The following ARHGAP26 variants were observed in gnomAD, a reference collection of about 807,000 sequenced individuals.
ARHGAP26 encodes rho GTPase-activating protein 26.
A neutral mutation model predicts 104.8 loss-of-function variants in ARHGAP26; 38 were observed. That is an observed-to-expected ratio of 0.36 (90% CI 0.28 to 0.48). The LOEUF is 0.48. Ranked by LOEUF, ARHGAP26 falls within the 20% of genes least tolerant of loss-of-function variation. The pLI, the probability that ARHGAP26 is intolerant of heterozygous loss-of-function variation, is 0.99. For missense variants in ARHGAP26, 704 were observed against 947.9 expected, an observed-to-expected ratio of 0.74 and a Z score of 3.38; for synonymous variants, 341 against 340.0, an observed-to-expected ratio of 1.00 and a Z score of -0.03.
At chr5:142,928,346 A>C (rs892302409) in intron 10 of ARHGAP26, among the ~76,000 whole-genome samples, 3 of 151,796 alleles carry the variant, frequency 2.0e-5, no homozygotes, top group Non-Finnish European at 4.4e-5. Context: ...TCTGGACGCT[A>C]TTGAATTCTT....
intron 1 of ARHGAP26, among the ~76,000 whole-genome samples, chr5:142,809,801 CTTCA>C (rs1174455808): frequency 2.6e-5 from 4 of 152,212 alleles, no homozygotes; most frequent in Non-Finnish European, 4.4e-5. Flanking sequence ...TAGTGGCTCA[CTTCA>C]TTCATCCATT....
chr5:142,773,352 T>C (rs1755639699), intron 1 of ARHGAP26, among the ~76,000 whole-genome samples: 1 of 152,222 alleles, frequency 6.6e-6, no homozygotes, highest in Non-Finnish European at 1.5e-5. Context: ...CATATTTTAT[T>C]TTATTTTACA....
At chr5:142,860,105 C>T (rs1051309767) in intron 1 of ARHGAP26, 11 of 152,196 alleles carry the variant, frequency 7.2e-5, no homozygotes, top group African/African-American at 1.7e-4. Flanking sequence ...CATGACATCC[C>T]GGTTGTTGTT....
intron 1 of ARHGAP26, among the ~76,000 whole-genome samples, chr5:142,832,174 G>T (rs1768573367): frequency 6.6e-6 from 1 of 152,158 alleles, no homozygotes; most frequent in South Asian, 2.1e-4. Flanking sequence ...TGAGTGAAGT[G>T]TTATCTGTTT....
Position 143,167,743 on chromosome 5 carries a change from A to ACCAGAATATC in ARHGAP26, c.1988+20364_1988+20373dup, listed in dbSNP as rs1802207924. ...GCTGGGTTAAGAATTTGTCTTGCCT[A>ACCAGAATATC]CCAGAATATCCAGCAGCCGTGTTCT... On this transcript the variant is annotated intron_variant, in intron 20 of 22. Transcript: ENST00000645722. Among the ~76,000 whole-genome samples, 3 of 152,108 alleles carry ACCAGAATATC rather than the reference A, an allele frequency of 2.0e-5. No individual in the cohort carries two copies. In the South Asian group the frequency reaches 6.2e-4, roughly 32 times the overall value.
chr5:143,046,295 C>T (rs1335020405), intron 14 of ARHGAP26, among the ~76,000 whole-genome samples: 1 of 152,078 alleles, frequency 6.6e-6, no homozygotes, highest in Non-Finnish European at 1.5e-5. Context: ...CAGAGCAAGA[C>T]TCAGTCTCAA....
At chr5:143,058,022 T>C (rs1291685860) in intron 17 of ARHGAP26, 3 of 608,716 alleles carry the variant, frequency 4.9e-6, no homozygotes, top group South Asian at 1.5e-5. Flanking sequence ...CAAGGGCAAA[T>C]TGGAGTGTGT....
At chr5:143,116,564 A>C (rs1157550104) in intron 17 of ARHGAP26, among the ~76,000 whole-genome samples, 1 of 152,210 alleles carries the variant, frequency 6.6e-6, no homozygotes, top group African/African-American at 2.4e-5. Context: ...AGGAAAACAG[A>C]TGTGATCCCT....
chr5:142,907,513 G>T, intron 8 of ARHGAP26, 191 bp from the exon 9 acceptor site: 1 of 334,204 alleles, frequency 3.0e-6, no homozygotes, highest in South Asian at 1.2e-4. Context: ...CCCGGGGTTG[G>T]TTTCATTTGA....
At chr5:143,183,089 A>AG (rs1427088709) in intron 20 of ARHGAP26, among the ~76,000 whole-genome samples, 6 of 151,752 alleles carry the variant, frequency 4.0e-5, no homozygotes, top group Non-Finnish European at 7.4e-5. Flanking sequence ...AAAAAAAAAA[A>AG]AAGAAAAAAA....
intron 11 of ARHGAP26, among the ~76,000 whole-genome samples, chr5:142,990,250 T>C (rs2152752531): frequency 6.6e-6 from 1 of 152,366 alleles, no homozygotes; most frequent in East Asian, 1.9e-4. Flanking sequence ...TCAAATCGGC[T>C]ACTGAAGCTT....
chr5:143,167,482 C>CAAAAAAAAAAAAAAAAAAA (rs6149274), intron 20 of ARHGAP26, among the ~76,000 whole-genome samples: 6 of 60,094 alleles, frequency 1.0e-4, no homozygotes, highest in East Asian at 4.2e-4. Context: ...GACTCCATCT[C>CAAAAAAAAAAAAAAAAAAA]AAAAAAAAAA....
At chr5:143,144,167 G>T (rs549106415) in intron 19 of ARHGAP26, among the ~76,000 whole-genome samples, 1 of 152,232 alleles carries the variant, frequency 6.6e-6, no homozygotes, top group East Asian at 1.9e-4. Context: ...CAACATAATT[G>T]CCATCAGTCC....
chr5:143,135,675 T>C (rs1797831049), intron 19 of ARHGAP26, among the ~76,000 whole-genome samples: 1 of 152,258 alleles, frequency 6.6e-6, no homozygotes, highest in African/African-American at 2.4e-5. Context: ...TCGGGTTGTT[T>C]CAAATATTTT....
chr5:143,113,280 G>A (rs905834650), intron 17 of ARHGAP26, among the ~76,000 whole-genome samples: 12 of 152,136 alleles, frequency 7.9e-5, no homozygotes, highest in African/African-American at 2.9e-4. Context: ...CTCTGTTAGT[G>A]GAGGTTAAAG....
chr5:142,943,830 A>G (rs1158676333), intron 11 of ARHGAP26, among the ~76,000 whole-genome samples: 1 of 152,032 alleles, frequency 6.6e-6, no homozygotes, highest in African/African-American at 2.4e-5. Flanking sequence ...TCTTATTTTA[A>G]TTTTGATTAC....
At chr5:142,947,623 A>G (rs1163708130) in intron 11 of ARHGAP26, among the ~76,000 whole-genome samples, 1 of 152,154 alleles carries the variant, frequency 6.6e-6, no homozygotes, top group African/African-American at 2.4e-5. Flanking sequence ...CATAATAAGC[A>G]CCTATTACTC....
intron 10 of ARHGAP26, among the ~76,000 whole-genome samples, chr5:142,924,727 A>G (rs998727711): frequency 2.0e-5 from 3 of 152,236 alleles, no homozygotes. Flanking sequence ...ATTACATCAG[A>G]GCACGCATAG....
chr5:143,097,259 C>T (rs772430215), intron 17 of ARHGAP26, among the ~76,000 whole-genome samples: 7 of 150,030 alleles, frequency 4.7e-5, no homozygotes, highest in South Asian at 2.1e-4. Context: ...GCAGGAGGAC[C>T]GCTTGAACCT....
Sources: gnomAD v4.1 joint callset for allele counts (sites outside exome capture counted in the v4.1 genomes callset) on GRCh38, gnomAD v4.1.1 for gene constraint, MANE v1.5 for transcripts, NCBI Gene and HGNC (gene_info 2026-07-23, HGNC 2026-07-21) for gene names.